Variants in PTK2B observed in about 807,000 individuals in gnomAD.
PTK2B encodes protein tyrosine kinase 2 beta, also known as protein-tyrosine kinase 2-beta.
A neutral mutation model predicts 142.9 loss-of-function variants in PTK2B; 71 were observed. The ratio of observed to expected loss-of-function variants is 0.50; its 90% CI spans 0.41 to 0.61. The LOEUF (loss-of-function observed/expected upper bound fraction) is 0.61, where lower values mean the gene tolerates loss of function less well. Ranked by LOEUF, PTK2B falls within the 20% of genes least tolerant of loss-of-function variation. The pLI, the probability that PTK2B is intolerant of heterozygous loss-of-function variation, is 0.00. For synonymous variants in PTK2B, 519 were observed against 503.4 expected (o/e 1.03, Z -0.42); for missense variants, 1,105 against 1,320.4 (o/e 0.84, Z 2.53).
rs565464251 is a variant in PTK2B at position 27,317,570 on chromosome 8, T to G, written c.-414+4283T>G. Among the ~76,000 whole-genome samples, 10 of 152,378 alleles carry G rather than the reference T, an allele frequency of 6.6e-5. 1 individual carries two copies. The South Asian group carries it at 2.1e-3, about 32-fold the overall frequency. Reference sequence around the variant, plus strand: ...GCTGTCATTGTAAATGGAATTGTTTTTTCTTAACTTCCTTTGCAGATAGTT... The same window carrying G: ...GCTGTCATTGTAAATGGAATTGTTTGTTCTTAACTTCCTTTGCAGATAGTT... On this transcript the variant is annotated intron_variant, in intron 3 of 35. Coordinates refer to the PTK2B transcript ENST00000397501.
intron 1 of PTK2B, among the ~76,000 whole-genome samples, chr8:27,339,689 C>T (rs1304874978): frequency 2.0e-5 from 3 of 152,118 alleles, no homozygotes; most frequent in African/African-American, 2.4e-5. Flanking sequence ...CAGGCTCTGG[C>T]GTAGTTGACT....
At chr8:27,422,701 T>C (rs1447963243) in intron 5 of PTK2B, among the ~76,000 whole-genome samples, 1 of 152,224 alleles carries the variant, frequency 6.6e-6, no homozygotes, top group Non-Finnish European at 1.5e-5. Flanking sequence ...AGATGTTTCT[T>C]GAGCACCAGA....
chr8:27,409,049 C>T (rs527345417), intron 2 of PTK2B, among the ~76,000 whole-genome samples: 3 of 152,246 alleles, frequency 2.0e-5, no homozygotes, highest in Admixed American at 6.5e-5. Context: ...ACCATCTCCC[C>T]GTGTGCATGT....
chr8:27,407,637 G>T (rs1343110448), intron 2 of PTK2B, among the ~76,000 whole-genome samples: 1 of 152,188 alleles, frequency 6.6e-6, no homozygotes, highest in Non-Finnish European at 1.5e-5. Context: ...CTCCCGGGAG[G>T]TGGGTCTCCC....
intron 2 of PTK2B, among the ~76,000 whole-genome samples, chr8:27,408,181 T>G (rs1808841529): frequency 7.0e-6 from 1 of 143,884 alleles, no homozygotes. Flanking sequence ...TTCCCCAAGG[T>G]GGGTCATAGA....
chr8:27,437,927 C>A (rs1810895465), intron 18 of PTK2B, 47 bp downstream of exon 18: 2 of 1,494,224 alleles, frequency 1.3e-6, no homozygotes, highest in Non-Finnish European at 1.8e-6. Context: ...AGGCCTTCAC[C>A]AGATCCTCAA....
At chr8:27,366,153 C>G (rs1806007605) in intron 1 of PTK2B, among the ~76,000 whole-genome samples, 1 of 152,220 alleles carries the variant, frequency 6.6e-6, no homozygotes, top group Non-Finnish European at 1.5e-5. Context: ...AGAAGCAAAT[C>G]ATGGCTCTTG....
At chr8:27,326,495 G>A (rs763268831) in intron 1 of PTK2B, among the ~76,000 whole-genome samples, 42 of 152,180 alleles carry the variant, frequency 2.8e-4, no homozygotes, top group Non-Finnish European at 1.2e-4. Flanking sequence ...ATCCAAGTCC[G>A]CTCATTTAAG....
intron 1 of PTK2B, among the ~76,000 whole-genome samples, chr8:27,362,839 A>ACGAAATCTAGAACTGCTCCCATG (rs1805796793): frequency 1.3e-5 from 2 of 151,288 alleles, no homozygotes; most frequent in Non-Finnish European, 3.0e-5. Flanking sequence ...CTGCTCCCAC[A>ACGAAATCTAGAACTGCTCCCATG]CGAAATCTAG....
At chr8:27,371,598 A>C (rs1171935910) in intron 1 of PTK2B, among the ~76,000 whole-genome samples, 1 of 151,750 alleles carries the variant, frequency 6.6e-6, no homozygotes, top group Admixed American at 6.6e-5. Context: ...TCCAGGCTGG[A>C]GTGCAGTGGC....
chr8:27,435,821 C>T (rs776370264), intron 14 of PTK2B, 28 bp downstream of exon 14: 30 of 1,608,260 alleles, frequency 1.9e-5, no homozygotes, highest in Admixed American at 6.7e-5. Context: ...CCACAGCGAC[C>T]GTAGTCAAGG....
chr8:27,452,896 T>C (rs1056512466), intron 27 of PTK2B: 3 of 592,042 alleles, frequency 5.1e-6, no homozygotes, highest in Non-Finnish European at 9.0e-6. Context: ...GACTTTGCCT[T>C]TTTCTTCCTA....
intron 1 of PTK2B, among the ~76,000 whole-genome samples, chr8:27,354,836 T>C (rs1805305382): frequency 6.6e-6 from 1 of 152,078 alleles, no homozygotes; most frequent in South Asian, 2.1e-4. Context: ...CCTTGTTCTG[T>C]CTCTCCTGGG....
upstream of PTK2B, among the ~76,000 whole-genome samples, chr8:27,320,980 CTTTTTTTTTTTT>C (rs776395346): frequency 2.5e-5 from 1 of 39,398 alleles, no homozygotes; most frequent in Non-Finnish European, 4.5e-5. Flanking sequence ...ATACAAAAGG[CTTTTTTTTTTTT>C]TTTTTTTTTT....
chr8:27,326,240 G>C (rs1179407346), intron 1 of PTK2B, among the ~76,000 whole-genome samples: 1 of 151,910 alleles, frequency 6.6e-6, no homozygotes, highest in Non-Finnish European at 1.5e-5. Context: ...GTGTGTGTGT[G>C]TGTGTGTGTG....
At chr8:27,315,423 C>T (rs1017907923) in intron 3 of PTK2B, among the ~76,000 whole-genome samples, 1 of 152,056 alleles carries the variant, frequency 6.6e-6, no homozygotes, top group African/African-American at 2.4e-5. Flanking sequence ...ACCTTAGAGG[C>T]AATATCCAAA....
rs919673943 is a variant in PTK2B at position 27,357,241 on chromosome 8, A to G, written c.-38+31560A>G. 4.6e-5 allele frequency among the ~76,000 whole-genome samples: 7 copies of G among 152,376 alleles called. 1 individual carries two copies. The South Asian group carries it at 1.0e-3, about 23-fold the overall frequency. Reference sequence around the variant, plus strand: ...TATTTGTACAACTTCCTGTGAGTCTATAATTCTTTCAAAATAAAAAGTACA... The same window carrying G: ...TATTTGTACAACTTCCTGTGAGTCTGTAATTCTTTCAAAATAAAAAGTACA... On this transcript the variant is annotated intron_variant, in intron 1 of 30. Transcript: ENST00000346049.
intron 5 of PTK2B, among the ~76,000 whole-genome samples, chr8:27,424,146 T>G (rs561543927): frequency 9.9e-5 from 15 of 152,238 alleles, no homozygotes; most frequent in Non-Finnish European, 8.8e-5. Context: ...CCTTTTTATT[T>G]ATGGATCTCA....
intron 23 of PTK2B, 52 bp downstream of exon 23, chr8:27,444,323 C>T (rs1811337345): frequency 6.4e-7 from 1 of 1,556,634 alleles, no homozygotes; most frequent in East Asian, 2.2e-5. Context: ...TCATCCAGGT[C>T]CTGAAACTCC....
Sources: allele counts gnomAD v4.1 joint callset (sites outside exome capture counted in the v4.1 genomes callset), GRCh38; gene constraint gnomAD v4.1.1; transcripts MANE v1.5; gene names NCBI Gene and HGNC (gene_info 2026-07-23, HGNC 2026-07-21).